Variants in TMEM132D observed in about 807,000 individuals in gnomAD.
TMEM132D encodes the protein mature OL transmembrane protein.
A neutral mutation model predicts 62.3 loss-of-function variants in TMEM132D; 21 were observed. That is an observed-to-expected ratio of 0.34 (90% confidence interval 0.24 to 0.49). TMEM132D has a LOEUF of 0.49. Ranked by LOEUF, TMEM132D falls within the 20% of genes least tolerant of loss-of-function variation. The probability of loss-of-function intolerance (pLI) is 0.99; values close to 1 mark genes in which losing one functional copy is unlikely to be tolerated. For synonymous variants in TMEM132D, 621 were observed against 575.6 expected, an observed-to-expected ratio of 1.08 and a Z score of -1.13; for missense variants, 1,346 against 1,402.8, an observed-to-expected ratio of 0.96 and a Z score of 0.65.
intron 4 of TMEM132D, among the ~76,000 whole-genome samples, chr12:129,294,932 T>A (rs1365143851): frequency 2.6e-5 from 4 of 152,202 alleles, no homozygotes; most frequent in Non-Finnish European, 1.5e-5. Context: ...ATTGTGTGTA[T>A]CAGCTGGCCT....
At chr12:129,636,727 TGTGTGTGTGTGAGA>T (rs1466908453) in intron 2 of TMEM132D, among the ~76,000 whole-genome samples, 1 of 131,062 alleles carries the variant, frequency 7.6e-6, no homozygotes, top group African/African-American at 2.9e-5. Flanking sequence ...TGTGTGTGTG[TGTGTGTGTGTGAGA>T]GAGAGAGAGA....
chr12:129,848,782 C>A (rs1210959481), intron 1 of TMEM132D, among the ~76,000 whole-genome samples: 1 of 152,094 alleles, frequency 6.6e-6, no homozygotes, highest in Non-Finnish European at 1.5e-5. Context: ...GAGTTGAAAC[C>A]AATGAGACGT....
At chr12:129,107,896 T>A (rs1388699788) in intron 5 of TMEM132D, among the ~76,000 whole-genome samples, 1 of 151,732 alleles carries the variant, frequency 6.6e-6, no homozygotes, top group African/African-American at 2.4e-5. Flanking sequence ...TTTCACCATG[T>A]TGCCCAGGCT....
At chr12:129,494,666 C>A (rs756837239) in intron 3 of TMEM132D, among the ~76,000 whole-genome samples, 1 of 152,064 alleles carries the variant, frequency 6.6e-6, no homozygotes, top group Non-Finnish European at 1.5e-5. Flanking sequence ...ATAGTAATTA[C>A]CATCTCCCCT....
intron 2 of TMEM132D, among the ~76,000 whole-genome samples, chr12:129,646,515 G>T (rs1298434802): frequency 6.6e-6 from 1 of 152,012 alleles, no homozygotes; most frequent in African/African-American, 2.4e-5. Flanking sequence ...GATATTTCAG[G>T]AATACAAAAG....
At chr12:129,184,736 A>G (rs1427836811) in intron 5 of TMEM132D, among the ~76,000 whole-genome samples, 1 of 152,126 alleles carries the variant, frequency 6.6e-6, no homozygotes, top group Non-Finnish European at 1.5e-5. Context: ...GAGACCATTA[A>G]TCTAGTTGAG....
intron 5 of TMEM132D, among the ~76,000 whole-genome samples, chr12:129,143,935 C>T (rs112079986): frequency 0.07 from 10,653 of 152,026 alleles, 1,121 homozygotes; most frequent in African/African-American, 0.22. Flanking sequence ...CCTGCTCACT[C>T]TTGAACTCCC....
At chr12:129,833,965 C>T (rs1221462219) in intron 1 of TMEM132D, among the ~76,000 whole-genome samples, 1 of 152,120 alleles carries the variant, frequency 6.6e-6, no homozygotes, top group Non-Finnish European at 1.5e-5. Flanking sequence ...CAAATGTGCT[C>T]TCCACAAGAT....
At chr12:129,428,516 A>AC (rs1212856540) in intron 3 of TMEM132D, among the ~76,000 whole-genome samples, 3 of 152,232 alleles carry the variant, frequency 2.0e-5, no homozygotes, top group African/African-American at 7.2e-5. Context: ...GAGGAATTTC[A>AC]CCACTACGTA....
chr12:129,587,092 A>G (rs905603455), intron 2 of TMEM132D, among the ~76,000 whole-genome samples: 1 of 152,090 alleles, frequency 6.6e-6, no homozygotes, highest in Non-Finnish European at 1.5e-5. Context: ...AGAGCAAAAC[A>G]TATCACTACA....
intron 3 of TMEM132D, among the ~76,000 whole-genome samples, chr12:129,472,086 C>T (rs893149985): frequency 6.6e-6 from 1 of 152,212 alleles, no homozygotes; most frequent in Non-Finnish European, 1.5e-5. Context: ...CTAAGACCAC[C>T]AATGAAGATG....
At chr12:129,719,002 C>A (rs1264426895) in intron 1 of TMEM132D, among the ~76,000 whole-genome samples, 2 of 149,732 alleles carry the variant, frequency 1.3e-5, no homozygotes, top group African/African-American at 5.0e-5. Context: ...ATTGGGAAGC[C>A]AAGGCAGACA....
intron 5 of TMEM132D, among the ~76,000 whole-genome samples, chr12:129,178,022 G>A (rs893797884): frequency 2.0e-5 from 3 of 152,170 alleles, no homozygotes; most frequent in Admixed American, 6.5e-5. Flanking sequence ...GACATGTGGT[G>A]TTTGGTTTTC....
chr12:129,542,151 A>C (rs1188251414), intron 2 of TMEM132D, among the ~76,000 whole-genome samples: 1 of 152,186 alleles, frequency 6.6e-6, no homozygotes, highest in Non-Finnish European at 1.5e-5. Flanking sequence ...CCCAGCACCT[A>C]CTATTTCAGA....
At chr12:129,510,900 G>T (rs1401683814) in intron 3 of TMEM132D, among the ~76,000 whole-genome samples, 1 of 152,072 alleles carries the variant, frequency 6.6e-6, no homozygotes, top group Non-Finnish European at 1.5e-5. Context: ...CTGTTCCATT[G>T]GTCTGTGTGT....
chr12:129,756,816 A>C (rs1382767863), intron 1 of TMEM132D, among the ~76,000 whole-genome samples: 1 of 152,244 alleles, frequency 6.6e-6, no homozygotes, highest in Non-Finnish European at 1.5e-5. Context: ...GCTATGCAGC[A>C]CAACTGTCCA....
chr12:129,608,448 C>T (rs1565921098), intron 2 of TMEM132D, among the ~76,000 whole-genome samples: 1 of 152,158 alleles, frequency 6.6e-6, no homozygotes, highest in Non-Finnish European at 1.5e-5. Flanking sequence ...GGTACCAAGG[C>T]TCTGAGACAG....
intron 4 of TMEM132D, among the ~76,000 whole-genome samples, chr12:129,323,530 G>T (rs1420539394): frequency 6.6e-6 from 1 of 152,232 alleles, no homozygotes; most frequent in Non-Finnish European, 1.5e-5. Context: ...AGGAAAATGT[G>T]ATTAGAGGTA....
intron 5 of TMEM132D, among the ~76,000 whole-genome samples, chr12:129,205,514 A>G (rs972743885): frequency 6.6e-6 from 1 of 152,198 alleles, no homozygotes; most frequent in Admixed American, 6.5e-5. Context: ...AAATTCATAA[A>G]GCAAGTTCTT....
Sources: gnomAD v4.1 joint callset for allele counts (sites outside exome capture counted in the v4.1 genomes callset) on GRCh38, gnomAD v4.1.1 for gene constraint, MANE v1.5 for transcripts, NCBI Gene and HGNC (gene_info 2026-07-23, HGNC 2026-07-21) for gene names.